FASN: variants seen among roughly 807,000 people sequenced by gnomAD.
The protein encoded by FASN is fatty acid synthase.
A neutral mutation model predicts 250.0 loss-of-function variants in FASN; 50 were observed. The ratio of observed to expected loss-of-function variants is 0.20; its 90% confidence interval spans 0.16 to 0.25. The LOEUF (loss-of-function observed/expected upper bound fraction) is 0.25, where lower values mean the gene tolerates loss of function less well. FASN is among the 10% of genes least tolerant of loss of function. FASN has a pLI of 1.00. For missense variants in FASN, 3,031 were observed against 3,498.5 expected (o/e 0.87, Z 3.37); for synonymous variants, 1,909 against 1,584.0 (o/e 1.21, Z -4.87).
At position 82,092,464 on chromosome 17, in the gene FASN, G is replaced by T; in HGVS notation, c.1020C>A (p.Ala340=). 1 of 1,575,422 alleles carries T rather than the reference G, an allele frequency of 6.3e-7. No homozygotes were observed. The change falls in exon 8 of 43, where the codon GCC becomes GCA. Residue 340 remains alanine, a synonymous_variant. Transcript: ENST00000306749. The part of the protein sequence containing the change: ...GHPEPASGLA[A]LAKVLLSLEH... ...GCCCAGCCCCACCTACCTTGGCCAG[G>T]GCTGCCAGCCCCGAGGCTGGCTCCG...
chr17:82,089,892 G>A (rs923945076), intron 11 of FASN, among the ~76,000 whole-genome samples, 166 bp from the exon 12 acceptor site: 30 of 152,202 alleles, frequency 2.0e-4, no homozygotes, highest in African/African-American at 7.2e-4. Flanking sequence ...TTGACCCGTG[G>A]GTGGAGGTGT....
intron 13 of FASN, 31 bp downstream of exon 13, chr17:82,089,219 G>GC: frequency 6.2e-7 from 1 of 1,609,888 alleles, no homozygotes; most frequent in Admixed American, 1.7e-5. Flanking sequence ...CCCCTGGCCC[G>GC]CCCCGCACCC....
chr17:82,087,042 G>T lies in FASN; in HGVS notation c.3427+8C>A, dbSNP rs565758653. The T allele has an allele frequency of 6.2e-7, 1 of 1,610,722 alleles. No homozygotes were observed. Among genetic ancestry groups the T allele is most frequent in the East Asian group, 2.2e-5 (1 of 44,878 alleles). On this transcript the variant is annotated splice_region_variant and intron_variant, in intron 21 of 42. Transcript: ENST00000306749. ...AGGTGTCCGAAGCCAGCAGGGCTGG[G>T]ACCTCACCCTTGCACAGTTGCAGCT...
rs146103932 is a variant in FASN at position 82,082,343 on chromosome 17, G to A, written c.5991C>T (p.Ser1997=). The part of the protein sequence containing the change: ...FFQDVCKPKY[S]GTLNLDRVTR... The stretch of plus-strand genomic sequence containing the variant: ...CCCACCTGTCCAGGTTCAGGGTGCC[G>A]CTGTACTTGGGCTTGCAGACGTCCT... Residue 1997 remains serine, a synonymous_variant, in exon 35 of 43, where the codon AGC becomes AGT. Transcript: ENST00000306749. The A allele has an allele frequency of 4.5e-5, 72 of 1,612,650 alleles. No homozygotes were observed. The highest frequency in any genetic ancestry group is 5.4e-5 in the Non-Finnish European group (64 of 1,180,008).
At position 82,087,352 on chromosome 17, in the gene FASN, G is replaced by A. The variant is rs758146779; in HGVS notation, c.3196C>T (p.Leu1066=). 2.7e-5 allele frequency: 43 copies of A among 1,612,208 alleles called. No homozygotes were observed. The highest frequency in any genetic ancestry group is 3.4e-5 in the Non-Finnish European group (40 of 1,179,970). The part of the protein sequence containing the change: ...HIDPATHRQK[L]YTLQDKAQVA... ...TGGGCCTTGTCCTGCAGTGTGTACA[G>A]CTTCTGCCTGTGGGTGGCAGGGTCG... is the stretch of plus-strand genomic sequence containing the variant. Residue 1066 remains leucine, a synonymous_variant, in exon 20 of 43, where the codon CTG becomes TTG. Coordinates refer to ENST00000306749, the MANE Select transcript of FASN (RefSeq NM_004104.5).
At chr17:82,090,602 G>A (rs748600854) in intron 10 of FASN, 38 bp from the exon 11 acceptor site, 3 of 1,574,670 alleles carry the variant, frequency 1.9e-6, no homozygotes, top group Admixed American at 3.4e-5. Flanking sequence ...GCAACCTCCA[G>A]CAGGTGCAGC....
Position 82,087,941 on chromosome 17 carries a change from C to T in FASN, c.2866+13G>A, listed in dbSNP as rs562022806. 5.3e-4 allele frequency: 848 copies of T among 1,612,586 alleles called. 14 individuals carry two copies. The South Asian group carries it at 8.3e-3, about 16-fold the overall frequency. ...ACAGCCTCCGCAGCTCCCGTGCCAC[C>T]GGCCCTGCTTACCACTCACTACCAG... On this transcript the variant is annotated intron_variant, in intron 18 of 42. Transcript: ENST00000306749.
At position 82,080,586 on chromosome 17, in the gene FASN, C is replaced by A; in HGVS notation, c.6831G>T (p.Ala2277=). The change falls in exon 40 of 43, where the codon GCG becomes GCT. Residue 2277 remains alanine, a synonymous_variant. Coordinates refer to ENST00000306749, the MANE Select transcript of FASN (RefSeq NM_004104.5). ...CCAGGCTGTGGATGCTGTCAAGGGGCGCAGCTGCAATGGCAGTGCCGGGCA... is the reference window on the plus strand; with the variant it reads ...CCAGGCTGTGGATGCTGTCAAGGGGAGCAGCTGCAATGGCAGTGCCGGGCA... ...PTYGLQCTRA[A]PLDSIHSLAA... The A allele has an allele frequency of 1.9e-6, 3 of 1,554,920 alleles. No homozygotes were observed. Among genetic ancestry groups the A allele is most frequent in the Non-Finnish European group, 2.6e-6 (3 of 1,150,164 alleles).
At position 82,083,159 on chromosome 17, in the gene FASN, C is replaced by T. The variant is rs368647921; in HGVS notation, c.5565+43G>A. Reference sequence around the variant, plus strand: ...CACCGGCTCAGGCACTGCCTGGGGACCAGAGCCTGGGGTGCCCGAGGCGCC... The same window carrying T: ...CACCGGCTCAGGCACTGCCTGGGGATCAGAGCCTGGGGTGCCCGAGGCGCC... On this transcript the variant is annotated intron_variant, in intron 32 of 42. Coordinates refer to ENST00000306749, the MANE Select transcript of FASN (RefSeq NM_004104.5). 1.9e-6 allele frequency: 3 copies of T among 1,610,962 alleles called. No individual in the cohort carries two copies. In the African/African-American group the frequency reaches 4.0e-5, roughly 22 times the overall value.
intron 3 of FASN, among the ~76,000 whole-genome samples, chr17:82,094,508 T>C (rs986302941): frequency 6.6e-6 from 1 of 152,014 alleles, no homozygotes; most frequent in East Asian, 1.9e-4. Context: ...AGAAATGGCA[T>C]GGCTGGGCGT....
intron 8 of FASN, 122 bp downstream of exon 8, chr17:82,092,333 G>A: frequency 2.9e-6 from 3 of 1,052,354 alleles, no homozygotes; most frequent in East Asian, 2.6e-5. Flanking sequence ...GGGGGACAGA[G>A]GCTCCTGGTG....
chr17:82,081,658 C>G lies in FASN; in HGVS notation c.6349G>C (p.Ala2117Pro). 1 of 1,612,778 alleles carries G rather than the reference C, an allele frequency of 6.2e-7. No homozygotes were observed. Among genetic ancestry groups the G allele is most frequent in the Non-Finnish European group, 8.5e-7 (1 of 1,179,998 alleles). ...CGCTGGCTGTCCCTGTCCCTATAGGCCGCAGCCTTCTCAGCCAGCACAAAG... is the reference window on the plus strand; with the variant it reads ...CGCTGGCTGTCCCTGTCCCTATAGGGCGCAGCCTTCTCAGCCAGCACAAAG... ...SSFVLAEKAAAYRDRDSQRDL... is the reference protein window; with the variant it reads ...SSFVLAEKAAPYRDRDSQRDL... The change falls in exon 37 of 43, where the codon GCC becomes CCC. Residue 2117 changes from alanine to proline, a missense_variant. Transcript: ENST00000306749.
intron 30 of FASN, 45 bp from the exon 31 acceptor site, chr17:82,083,684 A>AGCCTGGTG: frequency 6.2e-7 from 1 of 1,604,312 alleles, no homozygotes; most frequent in Middle Eastern, 1.7e-4. Flanking sequence ...CTGCAAGCCC[A>AGCCTGGTG]GCCACCACAG....
chr17:82,092,067 G>A (rs1237756735), intron 8 of FASN, among the ~76,000 whole-genome samples: 1 of 152,164 alleles, frequency 6.6e-6, no homozygotes, highest in Non-Finnish European at 1.5e-5. Context: ...TCTCTCTAAA[G>A]GTCCCCAGGC....
Position 82,088,121 on chromosome 17 carries a change from T to C in FASN, c.2780A>G (p.Lys927Arg). 6.2e-7 allele frequency: 1 copy of C among 1,612,722 alleles called. No individual in the cohort carries two copies. The highest frequency in any genetic ancestry group is 1.1e-5 in the South Asian group (1 of 91,082). ...VVLHQATILP[K>R]TGTVSLEVRL... ...GGTCCTGGGGTACCCCTCACCAGTC[T>C]TGGGCAGGATGGTGGCCTGGTGCAG... The change falls in exon 17 of 43, where the codon AAG becomes AGG. Residue 927 changes from lysine (K) to arginine (R), a missense_variant. By Grantham distance (26) the Lys-to-Arg change is conservative (BLOSUM62 2). Coordinates refer to ENST00000306749, the MANE Select transcript of FASN (RefSeq NM_004104.5).
At chr17:82,088,947 G>C in intron 14 of FASN, 22 bp downstream of exon 14, 1 of 1,607,850 alleles carries the variant, frequency 6.2e-7, no homozygotes. Flanking sequence ...CCCGGCGCCT[G>C]CTGCCCCCAG....
chr17:82,079,898 G>A lies in FASN; in HGVS notation c.7146+242C>T, dbSNP rs756201809. The A allele has an allele frequency of 3.4e-4, 214 of 625,978 alleles. 1 individual carries two copies. In the Middle Eastern group the frequency reaches 9.5e-3, roughly 28 times the overall value. The allele number at this position is 625,978 out of a possible 1,614,324, so 38.8% of individuals were successfully genotyped here. Reference sequence around the variant, plus strand: ...AATTTTTGTATTTTTAGTAGAGAAGGGGTTTCTCCACGTTGGTCAGGCTGG... The same window carrying A: ...AATTTTTGTATTTTTAGTAGAGAAGAGGTTTCTCCACGTTGGTCAGGCTGG... On this transcript the variant is annotated intron_variant, in intron 41 of 42. Coordinates refer to ENST00000306749, the MANE Select transcript of FASN (RefSeq NM_004104.5).
At chr17:82,094,183 G>A in intron 3 of FASN, 1 of 337,116 alleles carries the variant, frequency 3.0e-6, no homozygotes, top group Non-Finnish European at 5.8e-6. Context: ...AGCGCCAAGG[G>A]CAGCCTGCAC....
chr17:82,095,347 C>T lies in FASN; in HGVS notation c.253G>A (p.Val85Ile). Residue 85 changes from valine to isoleucine, a missense_variant, in exon 3 of 43, where the codon GTC becomes ATC. Transcript: ENST00000306749. Reference sequence around the variant, plus strand: ...CCGTCCACGATGGCTTCATAGGTGACTTCCAGCAGCAGCCGCAGCTGAGGG... The same window carrying T: ...CCGTCCACGATGGCTTCATAGGTGATTTCCAGCAGCAGCCGCAGCTGAGGG... Reference protein sequence around the residue: ...MDPQLRLLLEVTYEAIVDGGI... With the variant: ...MDPQLRLLLEITYEAIVDGGI... 1 of 1,612,968 alleles carries T rather than the reference C, an allele frequency of 6.2e-7. No homozygotes were observed. Among genetic ancestry groups the T allele is most frequent in the Non-Finnish European group, 8.5e-7 (1 of 1,180,028 alleles).
Sources: gnomAD v4.1 joint callset for allele counts (sites outside exome capture counted in the v4.1 genomes callset) on GRCh38, gnomAD v4.1.1 for gene constraint, MANE v1.5 for transcripts, NCBI Gene and HGNC (gene_info 2026-07-23, HGNC 2026-07-21) for gene names.